The following IGFL2 variants were observed in gnomAD, a reference collection of about 807,000 sequenced individuals.
IGFL2 encodes insulin growth factor-like family member 2.
IGFL2 carries 7 observed loss-of-function variants against 13.9 expected under a neutral mutation model. The observed-to-expected ratio is 0.51, with a 90% confidence interval of 0.29 to 0.95. The LOEUF (loss-of-function observed/expected upper bound fraction) is 0.95. Among genes scored for constraint, IGFL2 ranks in the 40% least tolerant of loss-of-function variants. The pLI, the probability that IGFL2 is intolerant of heterozygous loss-of-function variation, is 0.08. For missense variants in IGFL2, 138 were observed against 147.8 expected, an observed-to-expected ratio of 0.93 and a Z score of 0.34; for synonymous variants, 55 against 55.8, an observed-to-expected ratio of 0.99 and a Z score of 0.07.
chr19:46,186,133 C>T, the IGFL2 span, among the ~76,000 whole-genome samples: 25 of 152,256 alleles, frequency 1.6e-4, no homozygotes, highest in African/African-American at 5.5e-4. Context: ...ACAGGAGGCT[C>T]GCCCCAAATT....
chr19:46,194,852 ATTTTTTTT>A, the IGFL2 span, among the ~76,000 whole-genome samples: 5 of 31,588 alleles, frequency 1.6e-4, no homozygotes, highest in South Asian at 1.5e-3. Context: ...ATATATATAT[ATTTTTTTT>A]TTTTTTTTTT....
the IGFL2 span, among the ~76,000 whole-genome samples, chr19:46,183,772 A>G: frequency 1.3e-5 from 2 of 151,980 alleles, no homozygotes; most frequent in Non-Finnish European, 2.9e-5. Flanking sequence ...CTGACCTCAG[A>G]TGATCTGCCT....
At chr19:46,126,662 G>A in the IGFL2 span, among the ~76,000 whole-genome samples, 7 of 152,130 alleles carry the variant, frequency 4.6e-5, no homozygotes, top group South Asian at 2.1e-4. Context: ...GTAAATTTAC[G>A]TCATCGTCTT....
chr19:46,156,686 A>G (rs1973841736), intron 1 of IGFL2, among the ~76,000 whole-genome samples: 1 of 152,198 alleles, frequency 6.6e-6, no homozygotes, highest in Non-Finnish European at 1.5e-5. Flanking sequence ...TTGTATTAGA[A>G]AAAAGGAAAA....
upstream of IGFL2, among the ~76,000 whole-genome samples, chr19:46,147,314 A>G (rs1358619435): frequency 6.6e-6 from 1 of 152,214 alleles, no homozygotes; most frequent in East Asian, 1.9e-4. Flanking sequence ...CAAACTATGG[A>G]AGGACAGAAT....
At chr19:46,110,178 C>A in the IGFL2 span, among the ~76,000 whole-genome samples, 1 of 152,236 alleles carries the variant, frequency 6.6e-6, no homozygotes, top group South Asian at 2.1e-4. Context: ...GAACCTGTCA[C>A]TGTTTGATAA....
chr19:46,139,521 G>A (rs1051392997), upstream of IGFL2, among the ~76,000 whole-genome samples: 1 of 152,020 alleles, frequency 6.6e-6, no homozygotes, highest in African/African-American at 2.4e-5. Context: ...GAAAATTACT[G>A]TAGCTAAGTG....
chr19:46,192,217 G>A, the IGFL2 span, among the ~76,000 whole-genome samples: 1 of 152,162 alleles, frequency 6.6e-6, no homozygotes, highest in Admixed American at 6.5e-5. Flanking sequence ...TTGCCCCACT[G>A]ACTGTGACTG....
chr19:46,203,398 G>C, the IGFL2 span: 3 of 152,992 alleles, frequency 2.0e-5, no homozygotes, highest in African/African-American at 7.2e-5. Flanking sequence ...CAGAGAGTTG[G>C]CCAACACCCC....
the IGFL2 span, among the ~76,000 whole-genome samples, chr19:46,101,674 G>C: frequency 2.0e-5 from 3 of 152,232 alleles, no homozygotes; most frequent in African/African-American, 7.2e-5. Flanking sequence ...GAGCTCAGAC[G>C]TCGTAAGCAG....
the IGFL2 span, among the ~76,000 whole-genome samples, chr19:46,137,993 C>T: frequency 3.9e-5 from 6 of 152,160 alleles, no homozygotes; most frequent in Non-Finnish European, 8.8e-5. Flanking sequence ...ATCTTCATTG[C>T]CATGCAGCTT....
chr19:46,090,727 G>A, the IGFL2 span, among the ~76,000 whole-genome samples: 2 of 152,228 alleles, frequency 1.3e-5, no homozygotes, highest in Non-Finnish European at 2.9e-5. Context: ...AGATTTGTCT[G>A]TAGCCCAGGG....
the IGFL2 span, among the ~76,000 whole-genome samples, chr19:46,100,499 A>G: frequency 5.3e-5 from 8 of 152,236 alleles, no homozygotes; most frequent in African/African-American, 1.9e-4. Context: ...AAAGGGGCAG[A>G]GGAAAAATGT....
the IGFL2 span, among the ~76,000 whole-genome samples, chr19:46,090,716 A>T: frequency 6.6e-6 from 1 of 152,198 alleles, no homozygotes; most frequent in Non-Finnish European, 1.5e-5. Flanking sequence ...GCCTACTGCC[A>T]AGATTTGTCT....
At chr19:46,090,915 A>G in the IGFL2 span, among the ~76,000 whole-genome samples, 1 of 152,188 alleles carries the variant, frequency 6.6e-6, no homozygotes, top group African/African-American at 2.4e-5. Flanking sequence ...TTAGGGTCCA[A>G]GGCAAAATTT....
At chr19:46,163,567 C>T (rs1477711146), downstream of IGFL2, among the ~76,000 whole-genome samples, 1 of 152,120 alleles carries the variant, frequency 6.6e-6, no homozygotes, top group Non-Finnish European at 1.5e-5. Flanking sequence ...GAATAAAGCG[C>T]TTAGGGCCTT....
intron 1 of IGFL2, chr19:46,159,363 T>C (rs1974008765): frequency 6.6e-6 from 1 of 152,218 alleles, no homozygotes; most frequent in Non-Finnish European, 1.5e-5. Flanking sequence ...TCATTGGTAA[T>C]GGCCGGTGGT....
the IGFL2 span, among the ~76,000 whole-genome samples, chr19:46,089,487 C>T: frequency 8.9e-3 from 1,354 of 152,222 alleles, 12 homozygotes; most frequent in Non-Finnish European, 0.014. Flanking sequence ...TTTTGTGTTA[C>T]TCATTAGCAT....
chr19:46,169,865 A>G, the IGFL2 span, among the ~76,000 whole-genome samples: 1 of 148,634 alleles, frequency 6.7e-6, no homozygotes, highest in Non-Finnish European at 1.5e-5. Context: ...AAAAAAAAAA[A>G]AAATGGAGAT....
Sources: allele counts gnomAD v4.1 joint callset (sites outside exome capture counted in the v4.1 genomes callset), GRCh38; gene constraint gnomAD v4.1.1; transcripts MANE v1.5; gene names NCBI Gene and HGNC (gene_info 2026-07-23, HGNC 2026-07-21).